Variants in NSUN3 observed in about 807,000 individuals in gnomAD.
NSUN3 encodes tRNA (cytosine(34)-C(5))-methyltransferase, mitochondrial.
Under a neutral mutation model 36.8 loss-of-function variants are expected in NSUN3, and 24 were observed. The observed-to-expected ratio is 0.65, with a 90% CI of 0.47 to 0.92. NSUN3 has a LOEUF of 0.92. Ranked by LOEUF, NSUN3 falls within the 40% of genes least tolerant of loss-of-function variation. The pLI is 0.00. For synonymous variants in NSUN3, 146 were observed against 145.2 expected (o/e 1.01, Z -0.04); for missense variants, 381 against 392.8 (o/e 0.97, Z 0.25).
In NSUN3 at chr3:94,095,110, A is replaced by G; in HGVS notation, c.699A>G (p.Ile233Met). ...SSDSQKASCR[I>M]SQRRNLPLLQ... ...ACTCTCAGAAGGCATCCTGTAGGAT[A>G]AGTCAAAGGAGGAATTTGCCTCTTC... The change falls in exon 5 of 6, where the codon ATA becomes ATG. Residue 233 changes from isoleucine (I) to methionine (M), a missense_variant. Transcript: ENST00000314622. 6.2e-7 allele frequency: 1 copy of G among 1,613,888 alleles called. No homozygotes were observed. Among genetic ancestry groups the G allele is most frequent in the Non-Finnish European group, 8.5e-7 (1 of 1,179,830 alleles).
intron 5 of NSUN3, among the ~76,000 whole-genome samples, chr3:94,105,377 C>G (rs1560038466): frequency 6.6e-6 from 1 of 152,198 alleles, no homozygotes; most frequent in African/African-American, 2.4e-5. Flanking sequence ...CATTCTGCCA[C>G]TCACTACAGG....
At chr3:94,071,172 A>G (rs1254733138) in intron 2 of NSUN3, among the ~76,000 whole-genome samples, 2 of 152,164 alleles carry the variant, frequency 1.3e-5, no homozygotes, top group Non-Finnish European at 2.9e-5. Flanking sequence ...ACCAATTTTT[A>G]CTTTTATAAG....
intron 2 of NSUN3, chr3:94,081,747 G>A (rs2077269904): frequency 6.6e-6 from 1 of 152,150 alleles, no homozygotes. Context: ...AGATAGGAAA[G>A]AAAATGTGAA....
chr3:94,076,645 C>G, intron 2 of NSUN3: 1 of 1,034,242 alleles, frequency 9.7e-7, no homozygotes, highest in Non-Finnish European at 1.5e-6. Flanking sequence ...AGCCTTTTTT[C>G]TGATGTCCAT....
intron 3 of NSUN3, among the ~76,000 whole-genome samples, chr3:94,086,761 C>T (rs149909321): frequency 6.6e-6 from 1 of 152,106 alleles, no homozygotes; most frequent in Non-Finnish European, 1.5e-5. Flanking sequence ...AAGTTTACCT[C>T]GTTATTTTTA....
chr3:94,120,654 A>C (rs770616725), intron 5 of NSUN3, among the ~76,000 whole-genome samples: 10 of 152,122 alleles, frequency 6.6e-5, no homozygotes, highest in Non-Finnish European at 1.5e-4. Flanking sequence ...CTGTCTACAC[A>C]TTTTGCTTGG....
In NSUN3 at chr3:94,103,079, GT is replaced by G. The variant is rs557076350; in HGVS notation, c.743+7929del. Among the ~76,000 whole-genome samples, 81 of 152,062 alleles carry G rather than the reference GT, an allele frequency of 5.3e-4. No individual in the cohort carries two copies. In the East Asian group the frequency reaches 0.014, roughly 26 times the overall value. On this transcript the variant is annotated intron_variant, in intron 5 of 5. Coordinates refer to ENST00000314622, the MANE Select transcript of NSUN3 (RefSeq NM_022072.5). Reference sequence around the variant, plus strand: ...TTTTTGTATTTTTAGCAGAGATGGGGTTTTACCATGTTGGCCTGGCTGGTTT... The same window carrying G: ...TTTTTGTATTTTTAGCAGAGATGGGGTTTACCATGTTGGCCTGGCTGGTTT...
At chr3:94,099,133 A>G (rs1301815381) in intron 5 of NSUN3, among the ~76,000 whole-genome samples, 1 of 152,240 alleles carries the variant, frequency 6.6e-6, no homozygotes, top group Non-Finnish European at 1.5e-5. Context: ...TGATGTAATG[A>G]TTATGCTGCA....
intron 2 of NSUN3, among the ~76,000 whole-genome samples, chr3:94,078,339 T>C (rs2077254907): frequency 6.6e-6 from 1 of 152,212 alleles, no homozygotes; most frequent in Admixed American, 6.5e-5. Context: ...TTACATTTGC[T>C]GAGGAGTTTA....
At chr3:94,089,659 T>A (rs1387263676) in intron 3 of NSUN3, among the ~76,000 whole-genome samples, 1 of 152,132 alleles carries the variant, frequency 6.6e-6, no homozygotes, top group Non-Finnish European at 1.5e-5. Flanking sequence ...TAAGGAAGAA[T>A]GAAGGAAGAG....
chr3:94,102,256 C>T (rs950984226), intron 5 of NSUN3, among the ~76,000 whole-genome samples: 1 of 145,986 alleles, frequency 6.8e-6, no homozygotes, highest in African/African-American at 2.6e-5. Context: ...TGCACTGGAG[C>T]TAAGATAAGG....
At chr3:94,115,593 G>T (rs2107270100) in intron 5 of NSUN3, among the ~76,000 whole-genome samples, 1 of 152,262 alleles carries the variant, frequency 6.6e-6, no homozygotes, top group African/African-American at 2.4e-5. Flanking sequence ...GACATAAAAA[G>T]AATTTGTTTA....
intron 3 of NSUN3, chr3:94,084,849 C>G (rs2077285381): frequency 6.2e-6 from 1 of 161,064 alleles, no homozygotes; most frequent in African/African-American, 2.4e-5. Flanking sequence ...CTATAAGGTT[C>G]CAAGGCAATT....
intron 2 of NSUN3, among the ~76,000 whole-genome samples, chr3:94,082,653 G>A (rs1044493711): frequency 1.3e-5 from 2 of 152,176 alleles, no homozygotes; most frequent in African/African-American, 4.8e-5. Context: ...CATAGTTAAT[G>A]AGGCTCCCAA....
intron 3 of NSUN3, among the ~76,000 whole-genome samples, chr3:94,090,549 G>A (rs149333873): frequency 2.6e-5 from 4 of 152,216 alleles, no homozygotes; most frequent in African/African-American, 7.2e-5. Context: ...GCAAGGTATT[G>A]GATGGTATGT....
chr3:94,083,813 T>C (rs919314359), intron 2 of NSUN3, among the ~76,000 whole-genome samples: 4 of 152,204 alleles, frequency 2.6e-5, no homozygotes, highest in Admixed American at 2.0e-4. Flanking sequence ...GTCTTCAGAC[T>C]CTATTCTCTT....
At chr3:94,091,338 T>G (rs997104271) in intron 3 of NSUN3, among the ~76,000 whole-genome samples, 1 of 151,082 alleles carries the variant, frequency 6.6e-6, no homozygotes, top group Admixed American at 6.6e-5. Flanking sequence ...AAAAGCAAAA[T>G]AGAGAAAGAG....
Position 94,075,982 on chromosome 3 carries a change from C to T in NSUN3, c.123-8125C>T, listed in dbSNP as rs545457647. On this transcript the variant is annotated intron_variant, in intron 2 of 5. Transcript: ENST00000314622. Reference sequence around the variant, plus strand: ...TATAAATGTTCTCTGCCATTTGCCACACTTGCATGATATTGTCTTCTGATA... The same window carrying T: ...TATAAATGTTCTCTGCCATTTGCCATACTTGCATGATATTGTCTTCTGATA... 4.6e-3 allele frequency: 7,281 copies of T among 1,592,560 alleles called. 71 individuals carry two copies. Among genetic ancestry groups the T allele is most frequent in the South Asian group, 0.02 (1,858 of 90,636 alleles).
chr3:94,076,603 G>A (rs1408870555), intron 2 of NSUN3: 2 of 894,226 alleles, frequency 2.2e-6, no homozygotes, highest in East Asian at 4.8e-5. Context: ...CACTAAGTAA[G>A]TGCCCACTGA....
Sources: allele counts gnomAD v4.1 joint callset (sites outside exome capture counted in the v4.1 genomes callset), GRCh38; gene constraint gnomAD v4.1.1; transcripts MANE v1.5; gene names NCBI Gene and HGNC (gene_info 2026-07-23, HGNC 2026-07-21).